MEP1B: variants seen among roughly 807,000 people sequenced by gnomAD.
The protein encoded by MEP1B is N-benzoyl-L-tyrosyl-P-amino-benzoic acid hydrolase subunit beta.
A neutral mutation model predicts 84.6 loss-of-function variants in MEP1B; 80 were observed. That is an observed-to-expected ratio of 0.95 (90% confidence interval 0.79 to 1.14). The LOEUF (loss-of-function observed/expected upper bound fraction) is 1.14, where lower values mean the gene tolerates loss of function less well. MEP1B is among the 50% of genes most tolerant of loss of function. The probability of loss-of-function intolerance (pLI) is 0.00; values close to 1 mark genes in which losing one functional copy is unlikely to be tolerated. For missense variants in MEP1B, 766 were observed against 855.1 expected (o/e 0.90, Z 1.30); for synonymous variants, 273 against 288.1 (o/e 0.95, Z 0.53).
intron 5 of MEP1B, 117 bp from the exon 6 acceptor site, chr18:32,202,776 C>A: frequency 1.6e-6 from 1 of 628,620 alleles, no homozygotes; most frequent in Non-Finnish European, 2.8e-6. Flanking sequence ...AAAGACTCAA[C>A]ATTCATGAAG....
chr18:32,196,705 G>A lies in MEP1B; in HGVS notation c.250+1220G>A. ...CGCATGAGGTAGTGGGCGCCCTGCAGCAGGCTGAGGGCCAGGGACAGCTGC... is the reference window on the plus strand; with the variant it reads ...CGCATGAGGTAGTGGGCGCCCTGCAACAGGCTGAGGGCCAGGGACAGCTGC... On this transcript the variant is annotated intron_variant, in intron 5 of 14. Transcript: ENST00000269202. This position sits in a 1 kb window ranked among gnomAD's most constrained non-coding sequence, Gnocchi z 4.4. 1 of 638,156 alleles carries A rather than the reference G, an allele frequency of 1.6e-6. No individual in the cohort carries two copies. Among genetic ancestry groups the A allele is most frequent in the Non-Finnish European group, 2.9e-6 (1 of 350,558 alleles). The allele number at this position is 638,156 out of a possible 1,614,324, so 39.5% of individuals were successfully genotyped here.
intron 9 of MEP1B, among the ~76,000 whole-genome samples, chr18:32,209,486 CAAAA>C (rs1156344556): frequency 9.3e-6 from 1 of 107,132 alleles, no homozygotes; most frequent in Admixed American, 1.0e-4. Flanking sequence ...GACGTTGTCT[CAAAA>C]AAAAAAAAAA....
intron 9 of MEP1B, among the ~76,000 whole-genome samples, chr18:32,208,581 G>C (rs905892185): frequency 8.5e-5 from 13 of 152,156 alleles, no homozygotes; most frequent in Non-Finnish European, 1.9e-4. Flanking sequence ...CAGTACTATT[G>C]TTTCCTAGAA....
rs1313050702 is a variant in MEP1B, at chr18:32,196,224, G to A, written c.250+739G>A. ...AGTCTTTTTGGCTGAGAGGAATGAA[G>A]AGGATGCCATTGATGCCTTTGAACT... On this transcript the variant is annotated intron_variant, in intron 5 of 14. Coordinates refer to ENST00000269202, the MANE Select transcript of MEP1B (RefSeq NM_005925.3). This position sits in a 1 kb window ranked among gnomAD's most constrained non-coding sequence, Gnocchi z 4.4. 2.9e-6 allele frequency: 2 copies of A among 691,578 alleles called. No homozygotes were observed. Among genetic ancestry groups the A allele is most frequent in the Non-Finnish European group, 5.4e-6 (2 of 367,200 alleles). 42.8% of individuals were successfully genotyped at this position (691,578 alleles called of 1,614,324 possible). A position where few individuals can be genotyped will look rare whatever the true frequency, so the allele number is the denominator to read the frequency against.
chr18:32,208,062 T>C, intron 8 of MEP1B, 57 bp from the exon 9 acceptor site: 1 of 1,573,962 alleles, frequency 6.4e-7, no homozygotes, highest in Non-Finnish European at 8.7e-7. Flanking sequence ...GTTCAGTTTT[T>C]GTTACTTAGA....
chr18:32,216,912 A>G, intron 12 of MEP1B, 79 bp from the exon 13 acceptor site: 1 of 1,476,052 alleles, frequency 6.8e-7, no homozygotes, highest in Non-Finnish European at 9.2e-7. Context: ...AAGAAACATT[A>G]AAAGAAAATG....
intron 8 of MEP1B, 42 bp downstream of exon 8, chr18:32,207,512 T>G: frequency 7.2e-7 from 1 of 1,384,996 alleles, no homozygotes; most frequent in African/African-American, 1.4e-5. Flanking sequence ...TTTTCCGCTG[T>G]TATGTAGGAA....
intron 5 of MEP1B, among the ~76,000 whole-genome samples, chr18:32,200,523 C>T (rs575341020): frequency 2.7e-5 from 4 of 146,236 alleles, no homozygotes; most frequent in East Asian, 2.0e-4. Context: ...AAATGTATAC[C>T]ATCTTCAAAT....
intron 4 of MEP1B, 118 bp from the exon 5 acceptor site, chr18:32,195,289 C>T (rs1361853337): frequency 1.6e-6 from 1 of 632,210 alleles, no homozygotes; most frequent in Non-Finnish European, 2.8e-6. Context: ...CACACACACA[C>T]AATTTGTTTG....
intron 4 of MEP1B, 73 bp downstream of exon 4, chr18:32,192,890 T>G: frequency 8.4e-7 from 1 of 1,185,470 alleles, no homozygotes; most frequent in South Asian, 1.3e-5. Context: ...CTGAGAAAGA[T>G]TAGACAGCAT....
intron 4 of MEP1B, among the ~76,000 whole-genome samples, 163 bp from the exon 5 acceptor site, chr18:32,195,239 GTTATA>G (rs1372997652): frequency 1.3e-5 from 2 of 150,396 alleles, no homozygotes; most frequent in Non-Finnish European, 2.9e-5. Flanking sequence ...TAGAAACTTT[GTTATA>G]TTATGATAAA....
In MEP1B at chr18:32,207,205, G is replaced by A. The variant is rs372966926; in HGVS notation, c.548-47G>A. 20 of 1,301,020 alleles carry A rather than the reference G, an allele frequency of 1.5e-5. No homozygotes were observed. The Admixed American group carries it at 1.9e-4, about 12-fold the overall frequency. The allele number at this position is 1,301,020 out of a possible 1,614,324, so 80.6% of individuals were successfully genotyped here. ...GTGAGCAGTATTTGGAGTAAGATAA[G>A]CTGAATTTTGTGAACATCAAGTAAA... is the stretch of plus-strand genomic sequence containing the variant. On this transcript the variant is annotated intron_variant, in intron 7 of 14. Coordinates refer to ENST00000269202, the MANE Select transcript of MEP1B (RefSeq NM_005925.3).
chr18:32,196,726 G>A lies in MEP1B; in HGVS notation c.250+1241G>A. ...TGCAGCAGGCTGAGGGCCAGGGACA[G>A]CTGCCTGCTGGTGAAGCAGTGCAGG... On this transcript the variant is annotated intron_variant, in intron 5 of 14. Transcript: ENST00000269202. This position sits in a 1 kb window ranked among gnomAD's most constrained non-coding sequence, Gnocchi z 4.4. 1 of 635,002 alleles carries A rather than the reference G, an allele frequency of 1.6e-6. No homozygotes were observed. Among genetic ancestry groups the A allele is most frequent in the East Asian group, 2.6e-5 (1 of 37,830 alleles). The allele number at this position is 635,002 out of a possible 1,614,324, so 39.3% of individuals were successfully genotyped here.
chr18:32,206,786 A>G (rs1021413869), intron 7 of MEP1B, among the ~76,000 whole-genome samples: 1 of 151,864 alleles, frequency 6.6e-6, no homozygotes, highest in Non-Finnish European at 1.5e-5. Flanking sequence ...TGATTTTTGT[A>G]TTTTTAGTAG....
chr18:32,202,063 T>A (rs897718579), intron 5 of MEP1B, among the ~76,000 whole-genome samples: 1 of 152,234 alleles, frequency 6.6e-6, no homozygotes, highest in Admixed American at 6.5e-5. Context: ...GTTGATTGAA[T>A]TGGCAAAAGT....
At chr18:32,207,897 A>G (rs145665072) in intron 8 of MEP1B, among the ~76,000 whole-genome samples, 37 of 152,324 alleles carry the variant, frequency 2.4e-4, no homozygotes, top group Admixed American at 1.0e-3. Context: ...TTTTTTTAAA[A>G]AAGACTTCAG....
chr18:32,193,093 T>C (rs1348657283), intron 4 of MEP1B, among the ~76,000 whole-genome samples: 1 of 152,234 alleles, frequency 6.6e-6, no homozygotes, highest in Non-Finnish European at 1.5e-5. Context: ...TTTTCATTAT[T>C]GGAGCAATAT....
chr18:32,205,612 C>A (rs966078298), intron 7 of MEP1B, among the ~76,000 whole-genome samples: 1 of 152,188 alleles, frequency 6.6e-6, no homozygotes, highest in East Asian at 1.9e-4. Context: ...TATTTTTGAT[C>A]TAAACTTCTG....
chr18:32,211,454 C>A (rs2041026965), intron 10 of MEP1B, among the ~76,000 whole-genome samples: 1 of 152,036 alleles, frequency 6.6e-6, no homozygotes, highest in Non-Finnish European at 1.5e-5. Flanking sequence ...CTGGGGACCT[C>A]TTGTTTTATC....
Sources: allele counts gnomAD v4.1 joint callset (sites outside exome capture counted in the v4.1 genomes callset), GRCh38; gene constraint gnomAD v4.1.1; non-coding constraint Gnocchi (gnomAD v3.1); transcripts MANE v1.5; gene names NCBI Gene and HGNC (gene_info 2026-07-23, HGNC 2026-07-21).